Variants in RTTN observed in about 807,000 individuals in gnomAD.
The protein encoded by RTTN is rotatin.
In RTTN, 182 loss-of-function variants were observed where a neutral mutation model predicts 269.2. The ratio of observed to expected loss-of-function variants is 0.68; its 90% CI spans 0.60 to 0.76. The LOEUF is 0.76. Ranked by LOEUF, RTTN falls within the 30% of genes least tolerant of loss-of-function variation. The pLI is 0.00. For synonymous variants in RTTN, 1,006 were observed against 963.5 expected (o/e 1.04, Z -0.82); for missense variants, 2,545 against 2,608.6 (o/e 0.98, Z 0.53).
chr18:70,073,704 C>G (rs973461418), intron 34 of RTTN, among the ~76,000 whole-genome samples: 8 of 152,148 alleles, frequency 5.3e-5, no homozygotes, highest in Admixed American at 3.9e-4. Context: ...GGCTTGCGCA[C>G]ACAGAAAAGC....
chr18:70,124,348 A>G (rs954373025), intron 25 of RTTN, among the ~76,000 whole-genome samples: 4 of 152,072 alleles, frequency 2.6e-5, no homozygotes, highest in African/African-American at 9.7e-5. Flanking sequence ...TATGTGAGGG[A>G]TATAAAAAGG....
At chr18:70,012,491 T>C (rs7237148) in intron 46 of RTTN, among the ~76,000 whole-genome samples, 116,569 of 142,372 alleles carry the variant, frequency 0.82, 51,564 homozygotes, top group East Asian at 0.99. Flanking sequence ...TACAGGGCAG[T>C]GTCTGCTCAC....
chr18:70,124,906 T>C (rs932297408), intron 25 of RTTN, among the ~76,000 whole-genome samples: 6 of 151,726 alleles, frequency 4.0e-5, no homozygotes, highest in African/African-American at 1.5e-4. Flanking sequence ...AGGAAAGGAG[T>C]AGAGAGGCAT....
chr18:70,112,674 T>C (rs575864638), intron 27 of RTTN, among the ~76,000 whole-genome samples: 8 of 152,216 alleles, frequency 5.3e-5, no homozygotes, highest in South Asian at 4.2e-4. Flanking sequence ...AAGCAAGTTC[T>C]TAGAGACCTA....
chr18:70,088,251 T>G (rs1334907999), intron 30 of RTTN, 104 bp from the exon 31 acceptor site: 1 of 1,060,054 alleles, frequency 9.4e-7, no homozygotes, highest in Admixed American at 2.8e-5. Flanking sequence ...AAAAATCCAT[T>G]GGTTTTATGA....
intron 26 of RTTN, among the ~76,000 whole-genome samples, chr18:70,119,237 G>C (rs957894705): frequency 2.6e-5 from 4 of 151,490 alleles, no homozygotes; most frequent in Admixed American, 2.6e-4. Context: ...AAAGTTGCAG[G>C]ATACAAAATC....
At chr18:70,030,162 T>C in intron 41 of RTTN, 53 bp from the exon 42 acceptor site, 3 of 1,128,422 alleles carry the variant, frequency 2.7e-6, no homozygotes, top group Non-Finnish European at 4.0e-6. Context: ...CCAAGTAAGT[T>C]ATAACCACAT....
intron 28 of RTTN, among the ~76,000 whole-genome samples, chr18:70,102,946 G>A (rs1027000649): frequency 6.7e-6 from 1 of 148,938 alleles, no homozygotes; most frequent in African/African-American, 2.5e-5. Context: ...CCCCGTCTGG[G>A]AAGTGAGGAG....
chr18:70,164,768 A>G (rs1415537277), intron 14 of RTTN, among the ~76,000 whole-genome samples: 1 of 152,238 alleles, frequency 6.6e-6, no homozygotes, highest in East Asian at 1.9e-4. Context: ...CAAAATAAGC[A>G]TGACCAAGAA....
intron 28 of RTTN, among the ~76,000 whole-genome samples, chr18:70,097,512 C>T (rs1271779906): frequency 1.3e-5 from 2 of 152,166 alleles, no homozygotes; most frequent in African/African-American, 2.4e-5. Context: ...ACAAAAGTGA[C>T]GGATTCTTTC....
intron 1 of RTTN, 72 bp from the exon 2 acceptor site, chr18:70,205,387 G>A (rs560384090): frequency 1.3e-6 from 2 of 1,574,246 alleles, no homozygotes; most frequent in African/African-American, 1.4e-5. Context: ...GCTGTGGGCA[G>A]GAGCGGCGTG....
At chr18:70,131,581 C>T (rs183483229) in intron 23 of RTTN, 1 of 151,832 alleles carries the variant, frequency 6.6e-6, no homozygotes, top group African/African-American at 2.4e-5. Flanking sequence ...TGACTCATGC[C>T]TGTAATCCCA....
At chr18:70,117,362 C>G (rs1034830604) in intron 26 of RTTN, among the ~76,000 whole-genome samples, 1 of 151,958 alleles carries the variant, frequency 6.6e-6, no homozygotes, top group Non-Finnish European at 1.5e-5. Flanking sequence ...TTCCAGGTTC[C>G]CTTTATCCTA....
rs891790471 is a variant in RTTN, at chr18:70,190,707, A to G, written c.1020T>C (p.Ser340=). 3.1e-6 allele frequency: 5 copies of G among 1,602,620 alleles called. No individual in the cohort carries two copies. The highest frequency in any genetic ancestry group is 1.3e-5 in the African/African-American group (1 of 74,790). ...ATATCCTGGAGTTTACATGAGCATGACTACTACTTCCACTGCAAGATAAAC... is the reference window on the plus strand; with the variant it reads ...ATATCCTGGAGTTTACATGAGCATGGCTACTACTTCCACTGCAAGATAAAC... ...WDAASSSGSS[S]HAHVNSRISV... Residue 340 remains serine (S), a synonymous_variant, in exon 9 of 49, where the codon AGT becomes AGC. Transcript: ENST00000640769.
chr18:70,143,019 C>CT (rs1166885424), intron 18 of RTTN, among the ~76,000 whole-genome samples: 1 of 152,122 alleles, frequency 6.6e-6, no homozygotes, highest in Non-Finnish European at 1.5e-5. Flanking sequence ...GAGTGAAACT[C>CT]TGTCTCACAA....
At chr18:70,028,111 TA>T (rs2056904550) in intron 43 of RTTN, among the ~76,000 whole-genome samples, 1 of 152,224 alleles carries the variant, frequency 6.6e-6, no homozygotes, top group Non-Finnish European at 1.5e-5. Context: ...AAAAGTGTTG[TA>T]AAACTATAGA....
At chr18:70,031,125 A>G in intron 40 of RTTN, 144 bp from the exon 41 acceptor site, 1 of 595,760 alleles carries the variant, frequency 1.7e-6, no homozygotes, top group Non-Finnish European at 2.9e-6. Flanking sequence ...TAAATCATTA[A>G]TATTTGAGAA....
intron 28 of RTTN, among the ~76,000 whole-genome samples, chr18:70,104,387 G>A (rs1390400424): frequency 5.3e-5 from 8 of 152,078 alleles, no homozygotes; most frequent in African/African-American, 1.2e-4. Context: ...TTAGCCATTC[G>A]TCTAATCTTT....
chr18:70,071,077 A>C (rs1260210084), intron 34 of RTTN, among the ~76,000 whole-genome samples: 1 of 152,172 alleles, frequency 6.6e-6, no homozygotes, highest in East Asian at 1.9e-4. Flanking sequence ...AGAGTGAAGG[A>C]GGAAGCAAAC....
Sources: allele counts gnomAD v4.1 joint callset (sites outside exome capture counted in the v4.1 genomes callset), GRCh38; gene constraint gnomAD v4.1.1; transcripts MANE v1.5; gene names NCBI Gene and HGNC (gene_info 2026-07-23, HGNC 2026-07-21).